Variants in MAOB observed in about 807,000 individuals in gnomAD.
The protein encoded by MAOB is amine oxidase [flavin-containing] B.
Under a neutral mutation model 41.9 loss-of-function variants are expected in MAOB, and 15 were observed. That is an observed-to-expected ratio of 0.36 (90% CI 0.24 to 0.55). MAOB has a LOEUF of 0.55. MAOB is among the 20% of genes least tolerant of loss of function. The pLI, the probability that MAOB is intolerant of heterozygous loss-of-function variation, is 0.86. For missense variants in MAOB, 345 were observed against 398.7 expected, an observed-to-expected ratio of 0.87 and a Z score of 1.15; for synonymous variants, 167 against 144.2, an observed-to-expected ratio of 1.16 and a Z score of -1.13.
Position 43,843,686 on chromosome X carries a change from C to T in MAOB, c.125G>A (p.Arg42Lys). ...ATGCCTTACCCTAAGAGTGTAAGTC[C>T]TGCCTCCCACACGGTCCCGGGCTTC... is the stretch of plus-strand genomic sequence containing the variant. ...VLEARDRVGGRTYTLRNQKVK... is the reference protein window; with the variant it reads ...VLEARDRVGGKTYTLRNQKVK... Residue 42 changes from arginine to lysine, a missense_variant, in exon 2 of 15, where the codon AGG (arginine) becomes AAG (lysine). Arg to Lys is a conservative substitution (Grantham distance 26). Transcript: ENST00000378069. 1 of 1,210,726 alleles carries T rather than the reference C, an allele frequency of 8.3e-7. No individual in the cohort carries two copies. Among genetic ancestry groups the T allele is most frequent in the East Asian group, 3.0e-5 (1 of 33,796 alleles).
At chrX:43,779,761 G>A (rs1363681379) in intron 10 of MAOB, among the ~76,000 whole-genome samples, 1 of 111,439 alleles carries the variant, frequency 9.0e-6, no homozygotes, top group African/African-American at 3.3e-5. Context: ...TGATGGAATC[G>A]GAAAGCATGC....
rs1336582975 is a variant in MAOB, at chrX:43,767,692, C to T, written c.1411-74G>A. On this transcript the variant is annotated intron_variant, in intron 14 of 14. Coordinates refer to ENST00000378069, the MANE Select transcript of MAOB (RefSeq NM_000898.5). ...TCCAGAAAGTCTGTACTTTCTCCAGCTCTCTGAACATGACCCATTCTTGCC... is the reference window on the plus strand; with the variant it reads ...TCCAGAAAGTCTGTACTTTCTCCAGTTCTCTGAACATGACCCATTCTTGCC... 11 of 1,006,465 alleles carry T rather than the reference C, an allele frequency of 1.1e-5. No homozygotes were observed. The East Asian group carries it at 3.1e-4, about 29-fold the overall frequency. 82.9% of individuals were successfully genotyped at this position (1,006,465 alleles called of 1,213,427 possible). A position where few individuals can be genotyped will look rare whatever the true frequency, so the allele number is the denominator to read the frequency against.
chrX:43,811,922 A>C (rs2034751851), intron 3 of MAOB, among the ~76,000 whole-genome samples: 2 of 111,664 alleles, frequency 1.8e-5, no homozygotes. Flanking sequence ...GCCATCAAAC[A>C]GTAGGTCTTA....
intron 3 of MAOB, chrX:43,838,137 AACTTCAGTG>A: frequency 4.1e-6 from 1 of 243,278 alleles, no homozygotes; most frequent in Non-Finnish European, 7.9e-6. Flanking sequence ...AACCCAAGCA[AACTTCAGTG>A]ACGTTTGCTT....
intron 8 of MAOB, among the ~76,000 whole-genome samples, chrX:43,788,019 GA>G (rs1268267377): frequency 9.0e-6 from 1 of 111,368 alleles, no homozygotes; most frequent in Non-Finnish European, 1.9e-5. Context: ...ATATATGAAG[GA>G]AAGAAGATAT....
chrX:43,802,303 A>G (rs1480456618), intron 4 of MAOB, 40 bp from the exon 5 acceptor site: 1 of 896,227 alleles, frequency 1.1e-6, no homozygotes, highest in Middle Eastern at 2.9e-4. Flanking sequence ...AGACAAATGT[A>G]ATTTTCTCTT....
chrX:43,817,152 C>T (rs572353676), intron 3 of MAOB, among the ~76,000 whole-genome samples: 67 of 107,000 alleles, frequency 6.3e-4, no homozygotes, highest in African/African-American at 2.3e-3. Context: ...CTCTCTCTCT[C>T]TCTGCTATAG....
At chrX:43,876,598 T>C (rs1394842909) in intron 1 of MAOB, among the ~76,000 whole-genome samples, 1 of 112,308 alleles carries the variant, frequency 8.9e-6, no homozygotes, top group Non-Finnish European at 1.9e-5. Flanking sequence ...AGGCCTCCAA[T>C]GCCCTTTGTG....
At chrX:43,879,930 C>T (rs1194882281) in intron 1 of MAOB, among the ~76,000 whole-genome samples, 1 of 112,332 alleles carries the variant, frequency 8.9e-6, no homozygotes, top group Admixed American at 9.4e-5. Context: ...CTTTCTTCAT[C>T]TAGTCCCCTG....
chrX:43,779,928 T>A (rs1012069185), intron 10 of MAOB, among the ~76,000 whole-genome samples: 1 of 111,690 alleles, frequency 9.0e-6, no homozygotes, highest in Admixed American at 9.6e-5. Flanking sequence ...TTGTTATGCA[T>A]CATTCATGTA....
intron 10 of MAOB, among the ~76,000 whole-genome samples, chrX:43,779,299 T>C (rs1173468359): frequency 1.8e-5 from 2 of 111,866 alleles, no homozygotes; most frequent in African/African-American, 3.2e-5. Flanking sequence ...CTGGGACAAA[T>C]AGCTGCTCGT....
Position 43,871,870 on chromosome X carries a change from G to A in MAOB, c.46+10384C>T, listed in dbSNP as rs150854498. Among the ~76,000 whole-genome samples, 597 of 110,176 alleles carry A rather than the reference G, an allele frequency of 5.4e-3. 2 individuals are homozygous for A. The highest frequency in any genetic ancestry group is 0.019 in the African/African-American group (563 of 30,267). On this transcript the variant is annotated intron_variant, in intron 1 of 14. Transcript: ENST00000378069. ...ATAAAAGGGCTATTCTGAAACAGTC[G>A]ACTATATCTTATGGGTTTCCTAAAT...
chrX:43,852,867 C>T (rs980540859), intron 1 of MAOB, among the ~76,000 whole-genome samples: 1 of 111,123 alleles, frequency 9.0e-6, no homozygotes. Flanking sequence ...ATATCCAAAA[C>T]ATGATGTGCC....
intron 2 of MAOB, among the ~76,000 whole-genome samples, 196 bp downstream of exon 2, chrX:43,843,474 T>C (rs1409113464): frequency 9.4e-6 from 1 of 106,616 alleles, no homozygotes; most frequent in Non-Finnish European, 1.9e-5. Flanking sequence ...CCAAATATCA[T>C]GAGATGAAAA....
chrX:43,881,244 C>T (rs1000629841), intron 1 of MAOB, among the ~76,000 whole-genome samples: 1 of 113,381 alleles, frequency 8.8e-6, no homozygotes, highest in Admixed American at 9.2e-5. Flanking sequence ...CAACTCTGTC[C>T]TGCCCTCCTG....
intron 3 of MAOB, among the ~76,000 whole-genome samples, chrX:43,823,118 C>A (rs970778944): frequency 9.2e-6 from 1 of 108,557 alleles, no homozygotes; most frequent in Non-Finnish European, 1.9e-5. Flanking sequence ...CAAACCCAGG[C>A]CCCTCTGGGT....
chrX:43,857,688 G>A (rs2035307717), intron 1 of MAOB, among the ~76,000 whole-genome samples: 3 of 110,648 alleles, frequency 2.7e-5, no homozygotes, highest in Admixed American at 9.6e-5. Flanking sequence ...CCCACCTCCC[G>A]AGTGCTAGCT....
chrX:43,840,845 G>A (rs745595888), intron 2 of MAOB, among the ~76,000 whole-genome samples: 1 of 109,316 alleles, frequency 9.1e-6, no homozygotes, highest in Non-Finnish European at 1.9e-5. Flanking sequence ...TGGGTTTCAA[G>A]CACAAAACTG....
rs1280271793 is a variant in MAOB at position 43,838,908 on chromosome X, T to C, written c.239A>G (p.Tyr80Cys). 1 of 1,207,005 alleles carries C rather than the reference T, an allele frequency of 8.3e-7. No individual in the cohort carries two copies. The highest frequency in any genetic ancestry group is 1.8e-5 in the South Asian group (1 of 55,775). The stretch of plus-strand genomic sequence containing the variant: ...CAGACGCTCAACCTCATTCACTTTG[T>C]AGGTCTCCAATCCTAGCTCCTTGGC... ...RLAKELGLET[Y>C]KVNEVERLIH... Residue 80 changes from tyrosine to cysteine, a missense_variant, in exon 3 of 15, where the codon TAC becomes TGC. Tyr to Cys is a radical substitution (Grantham distance 194). Coordinates refer to ENST00000378069, the MANE Select transcript of MAOB (RefSeq NM_000898.5).
Sources: gnomAD v4.1 joint callset for allele counts (sites outside exome capture counted in the v4.1 genomes callset) on GRCh38, gnomAD v4.1.1 for gene constraint, MANE v1.5 for transcripts, NCBI Gene and HGNC (gene_info 2026-07-23, HGNC 2026-07-21) for gene names.